Variants in HSPA14 observed in about 807,000 individuals in gnomAD.
The protein encoded by HSPA14 is heat shock protein family A (Hsp70) member 14.
In HSPA14, 37 loss-of-function variants were observed where a neutral mutation model predicts 65.5. The ratio of observed to expected loss-of-function variants is 0.56; its 90% CI spans 0.43 to 0.74. The LOEUF (loss-of-function observed/expected upper bound fraction) is 0.74. HSPA14 is among the 30% of genes least tolerant of loss of function. The pLI is 0.00. For missense variants in HSPA14, 564 were observed against 607.6 expected (o/e 0.93, Z 0.75); for synonymous variants, 203 against 214.2 (o/e 0.95, Z 0.46).
chr10:14,864,004 A>T (rs1832780021), intron 10 of HSPA14, among the ~76,000 whole-genome samples: 1 of 148,610 alleles, frequency 6.7e-6, no homozygotes, highest in South Asian at 2.2e-4. Context: ...CCTACAAGCC[A>T]CGAAAAGAGA....
In HSPA14 at chr10:14,848,823, A is replaced by G. The variant is rs201058008; in HGVS notation, c.304A>G (p.Ile102Val). The G allele has an allele frequency of 1.3e-6, 2 of 1,590,130 alleles. No homozygotes were observed. The highest frequency in any genetic ancestry group is 1.7e-6 in the Non-Finnish European group (2 of 1,162,490). ...AAAAAATGGGAAATTACGATATGAA[A>G]TAGATACTGGAGAAGAAACAAAATT... ...IEKNGKLRYE[I>V]DTGEETKFVN... is the part of the protein sequence containing the mutation. Residue 102 changes from isoleucine (I) to valine (V), a missense_variant, in exon 5 of 14, where the codon ATA becomes GTA. By Grantham distance (29) the Ile-to-Val change is conservative (BLOSUM62 3). Transcript: ENST00000378372.
Position 14,840,157 on chromosome 10 carries a change from G to A in HSPA14, c.221G>A (p.Ser74Asn). 1.5e-6 allele frequency: 2 copies of A among 1,376,972 alleles called. No homozygotes were observed. The highest frequency in any genetic ancestry group is 2.0e-6 in the Non-Finnish European group (2 of 1,023,844). The allele number at this position is 1,376,972 out of a possible 1,614,324, so 85.3% of individuals were successfully genotyped here. Residue 74 changes from serine (S) to asparagine (N), a missense_variant and splice_region_variant, in exon 3 of 14, where the codon AGC (serine) becomes AAC (asparagine). Ser to Asn is a conservative substitution (Grantham distance 46, BLOSUM62 1). Transcript: ENST00000378372. ...VMKVKQILGR[S>N]SSDPQAQKYI... The stretch of plus-strand genomic sequence containing the variant: ...AAAGTAAAGCAGATCCTGGGCAGAA[G>A]GTATGGAATCAAATGATACTTTTAA...
intron 6 of HSPA14, among the ~76,000 whole-genome samples, chr10:14,850,355 T>C (rs1283488331): frequency 6.6e-6 from 1 of 152,236 alleles, no homozygotes; most frequent in African/African-American, 2.4e-5. Flanking sequence ...AATTACCAGG[T>C]TAAATTGACA....
At chr10:14,838,714 G>A in intron 1 of HSPA14, 1 of 477,806 alleles carries the variant, frequency 2.1e-6, no homozygotes, top group Admixed American at 4.0e-5. Flanking sequence ...TCATGGCGGC[G>A]GGATGCCCGG....
intron 5 of HSPA14, 135 bp from the exon 6 acceptor site, chr10:14,849,586 C>A: frequency 1.4e-6 from 1 of 734,554 alleles, no homozygotes; most frequent in South Asian, 1.5e-5. Flanking sequence ...AGAAAATTGA[C>A]ACGGGGGCGG....
At chr10:14,852,559 T>A in intron 8 of HSPA14, 28 bp downstream of exon 8, 1 of 1,512,984 alleles carries the variant, frequency 6.6e-7, no homozygotes, top group Non-Finnish European at 8.9e-7. Flanking sequence ...GAATAATACC[T>A]TCTGATTGAG....
At chr10:14,850,039 G>C (rs377133469) in intron 6 of HSPA14, among the ~76,000 whole-genome samples, 60 of 152,232 alleles carry the variant, frequency 3.9e-4, no homozygotes, top group Middle Eastern at 3.4e-3. Flanking sequence ...CTGACGGGGG[G>C]GCGGCGGGTG....
At chr10:14,867,022 T>G (rs1047730925) in intron 10 of HSPA14, 61 bp from the exon 11 acceptor site, 1 of 1,254,084 alleles carries the variant, frequency 8.0e-7, no homozygotes, top group African/African-American at 1.5e-5. Context: ...CTATTACACT[T>G]AATTTTGAGA....
At chr10:14,846,329 C>G in intron 3 of HSPA14, 10 of 985,264 alleles carry the variant, frequency 1.0e-5, no homozygotes, top group Non-Finnish European at 1.2e-5. Context: ...GTGCATAAGA[C>G]AGGGATTTCT....
chr10:14,843,172 G>A (rs756589575), intron 3 of HSPA14, among the ~76,000 whole-genome samples: 3 of 152,180 alleles, frequency 2.0e-5, no homozygotes, highest in Non-Finnish European at 4.4e-5. Context: ...GTTCAGGAAG[G>A]CAAGGGAGAA....
At chr10:14,864,905 T>C (rs1235661082) in intron 10 of HSPA14, among the ~76,000 whole-genome samples, 3 of 152,096 alleles carry the variant, frequency 2.0e-5, no homozygotes, top group Non-Finnish European at 4.4e-5. Flanking sequence ...CCACACTGTC[T>C]TCCACAATGG....
rs1307205561 is a variant in HSPA14, at chr10:14,867,113, C to T, written c.1024C>T (p.Pro342Ser). The change falls in exon 11 of 14, where the codon CCA becomes TCA. Residue 342 changes from proline to serine, a missense_variant. Transcript: ENST00000378372. ...VVLCGGSSRI[P>S]KLQQLIKDLF... The stretch of plus-strand genomic sequence containing the variant: ...CCTTTGTGGAGGGTCTTCTCGAATC[C>T]CAAAGCTACAGCAACTGATTAAAGA... The T allele has an allele frequency of 1.9e-6, 3 of 1,613,356 alleles. No homozygotes were observed. The highest frequency in any genetic ancestry group is 2.5e-6 in the Non-Finnish European group (3 of 1,179,602).
Position 14,869,542 on chromosome 10 carries a change from G to A in HSPA14, c.1381-1055G>A, listed in dbSNP as rs530960670. On this transcript the variant is annotated intron_variant, in intron 12 of 13. Coordinates refer to ENST00000378372, the MANE Select transcript of HSPA14 (RefSeq NM_016299.4). ...ACTCCTGACCTCAGGTGATCTGCCT[G>A]CCTCAGCCTCCCAAACTGCTGGGAT... is the stretch of plus-strand genomic sequence containing the variant. 3.3e-5 allele frequency among the ~76,000 whole-genome samples: 5 copies of A among 152,248 alleles called. No homozygotes were observed. In the South Asian group the frequency reaches 8.3e-4, roughly 25 times the overall value.
intron 3 of HSPA14, chr10:14,846,261 CAG>C: frequency 2.0e-6 from 2 of 985,308 alleles, no homozygotes; most frequent in Non-Finnish European, 2.4e-6. Flanking sequence ...TCTGGAAACA[CAG>C]AAGTACTTGA....
At position 14,845,603 on chromosome 10, in the gene HSPA14, T is replaced by A. The variant is rs945695164; in HGVS notation, c.222-3006T>A. On this transcript the variant is annotated intron_variant, in intron 3 of 13. Coordinates refer to ENST00000378372, the MANE Select transcript of HSPA14 (RefSeq NM_016299.4). The stretch of plus-strand genomic sequence containing the variant: ...TGCCCTTTTCTATTATTATTATTTT[T>A]TTTTTTTTGAGAAAAAGTCTCACTG... The A allele has an allele frequency of 4.2e-5, 38 of 911,402 alleles. No individual in the cohort carries two copies. In the Admixed American group the frequency reaches 1.4e-3, roughly 33 times the overall value. The allele number at this position is 911,402 out of a possible 1,614,324, so 56.5% of individuals were successfully genotyped here.
intron 1 of HSPA14, 152 bp downstream of exon 1, chr10:14,838,611 C>T (rs868333476): frequency 2.8e-5 from 20 of 705,394 alleles, no homozygotes; most frequent in Non-Finnish European, 4.2e-5. Flanking sequence ...AAGGGCCGGG[C>T]AGGCCCGGCC....
At chr10:14,848,988 G>T in intron 5 of HSPA14, 93 bp downstream of exon 5, 1 of 669,352 alleles carries the variant, frequency 1.5e-6, no homozygotes, top group Non-Finnish European at 2.6e-6. Context: ...GATCTTGGGA[G>T]AAGCAGAGTG....
intron 10 of HSPA14, among the ~76,000 whole-genome samples, chr10:14,860,267 A>C (rs558480825): frequency 3.9e-5 from 6 of 152,302 alleles, no homozygotes; most frequent in Middle Eastern, 3.4e-3. Flanking sequence ...TGATTAACCC[A>C]CAAATAATTA....
chr10:14,841,751 C>T (rs1254743988), intron 3 of HSPA14, among the ~76,000 whole-genome samples: 1 of 152,172 alleles, frequency 6.6e-6, no homozygotes, highest in African/African-American at 2.4e-5. Context: ...AGATGGGTAA[C>T]ACAGAGCCAC....
Sources: gnomAD v4.1 joint callset for allele counts (sites outside exome capture counted in the v4.1 genomes callset) on GRCh38, gnomAD v4.1.1 for gene constraint, MANE v1.5 for transcripts, NCBI Gene and HGNC (gene_info 2026-07-23, HGNC 2026-07-21) for gene names.